The following OTUD7A variants were observed in gnomAD, a reference collection of about 807,000 sequenced individuals.
The protein encoded by OTUD7A is OTU deubiquitinase 7A.
OTUD7A carries 12 observed loss-of-function variants against 65.7 expected under a neutral mutation model. The observed-to-expected ratio is 0.18, with a 90% CI of 0.12 to 0.30. OTUD7A has a LOEUF of 0.30. Ranked by LOEUF, OTUD7A falls within the 10% of genes least tolerant of loss-of-function variation. OTUD7A has a pLI of 1.00. For missense variants in OTUD7A, 1,148 were observed against 1,304.8 expected, an observed-to-expected ratio of 0.88 and a Z score of 1.85; for synonymous variants, 641 against 586.3, an observed-to-expected ratio of 1.09 and a Z score of -1.35.
At chr15:31,669,002 C>A (rs1892406543) in intron 1 of OTUD7A, among the ~76,000 whole-genome samples, 1 of 152,206 alleles carries the variant, frequency 6.6e-6, no homozygotes, top group South Asian at 2.1e-4. Flanking sequence ...GTGATGTAAA[C>A]CATCTATGGG....
intron 1 of OTUD7A, among the ~76,000 whole-genome samples, chr15:31,828,764 C>G (rs1226037522): frequency 6.6e-6 from 1 of 152,194 alleles, no homozygotes; most frequent in Non-Finnish European, 1.5e-5. Flanking sequence ...AAGGGTAGCA[C>G]TGGCTAATAC....
chr15:31,859,916 T>C (rs1160837507), intron 1 of OTUD7A, among the ~76,000 whole-genome samples: 1 of 152,192 alleles, frequency 6.6e-6, no homozygotes, highest in Non-Finnish European at 1.5e-5. Flanking sequence ...GTATCTTCCT[T>C]TCTGGGGAGA....
At chr15:31,524,691 T>C (rs897223552) in intron 8 of OTUD7A, among the ~76,000 whole-genome samples, 1 of 152,168 alleles carries the variant, frequency 6.6e-6, no homozygotes, top group Non-Finnish European at 1.5e-5. Flanking sequence ...CTTCCTTCTC[T>C]TTTGTGATGT....
rs571541072 is a variant in OTUD7A, at chr15:31,539,515, T to C, written c.551-8707A>G. Among the ~76,000 whole-genome samples, 6 of 152,214 alleles carry C rather than the reference T, an allele frequency of 3.9e-5. No homozygotes were observed. The South Asian group carries it at 1.2e-3, about 32-fold the overall frequency. On this transcript the variant is annotated intron_variant, in intron 5 of 12. Coordinates refer to ENST00000307050, the MANE Select transcript of OTUD7A (RefSeq NM_001382637.1). ...ATGAAAAACAAAAGAAGAGAGAATGTTTTTCAAAAAGTGCATAAAGAGCCA... is the reference window on the plus strand; with the variant it reads ...ATGAAAAACAAAAGAAGAGAGAATGCTTTTCAAAAAGTGCATAAAGAGCCA...
Position 31,558,956 on chromosome 15 carries a change from A to C in OTUD7A, c.550+13T>G. ...GCCTAAAGAGGGTGGGCCTGCTGGC[A>C]GGGGCAACTCACCTGCCTGCTCCAA... is the stretch of plus-strand genomic sequence containing the variant. On this transcript the variant is annotated intron_variant, in intron 5 of 12. Coordinates refer to ENST00000307050, the MANE Select transcript of OTUD7A (RefSeq NM_001382637.1). The C allele has an allele frequency of 6.2e-7, 1 of 1,613,882 alleles. No homozygotes were observed. Among genetic ancestry groups the C allele is most frequent in the South Asian group, 1.1e-5 (1 of 91,026 alleles).
chr15:31,632,768 C>A (rs571396185), intron 3 of OTUD7A, among the ~76,000 whole-genome samples: 4 of 148,262 alleles, frequency 2.7e-5, no homozygotes, highest in African/African-American at 7.7e-5. Flanking sequence ...GTGGTGGGCT[C>A]CACCCAGTTC....
At chr15:31,825,551 C>T (rs2140977226) in intron 1 of OTUD7A, among the ~76,000 whole-genome samples, 1 of 152,276 alleles carries the variant, frequency 6.6e-6, no homozygotes, top group East Asian at 1.9e-4. Flanking sequence ...TGGGTGGGGA[C>T]ACAGAGCCAA....
intron 3 of OTUD7A, among the ~76,000 whole-genome samples, chr15:31,612,177 C>A (rs969658833): frequency 2.0e-5 from 3 of 152,106 alleles, no homozygotes; most frequent in Non-Finnish European, 4.4e-5. Context: ...TATGACAAAC[C>A]CACAGCCAAC....
chr15:31,627,188 C>G (rs2141244486), intron 3 of OTUD7A, among the ~76,000 whole-genome samples: 1 of 151,790 alleles, frequency 6.6e-6, no homozygotes, highest in East Asian at 1.9e-4. Flanking sequence ...GTGCTGCACC[C>G]ATTAACTCGT....
intron 1 of OTUD7A, among the ~76,000 whole-genome samples, chr15:31,694,795 A>G (rs1197831997): frequency 6.6e-6 from 1 of 151,232 alleles, no homozygotes; most frequent in Admixed American, 6.6e-5. Context: ...ACAGGATTTC[A>G]TTCTTTTTAT....
intron 1 of OTUD7A, among the ~76,000 whole-genome samples, chr15:31,776,482 G>A (rs894084546): frequency 3.9e-5 from 6 of 152,136 alleles, no homozygotes; most frequent in Admixed American, 1.3e-4. Context: ...GGCCCCTCCC[G>A]ACTCTCTCCT....
At chr15:31,593,090 T>G (rs1889798644) in intron 3 of OTUD7A, among the ~76,000 whole-genome samples, 1 of 151,674 alleles carries the variant, frequency 6.6e-6, no homozygotes, top group South Asian at 2.1e-4. Flanking sequence ...TTGTATGTGC[T>G]AGACTTTTAT....
intron 1 of OTUD7A, among the ~76,000 whole-genome samples, chr15:31,747,037 A>T (rs1412417565): frequency 2.6e-5 from 4 of 152,190 alleles, no homozygotes; most frequent in Non-Finnish European, 5.9e-5. Flanking sequence ...ACTACCACAC[A>T]AATGTTGAAC....
At chr15:31,635,462 C>A (rs1283400604) in intron 3 of OTUD7A, among the ~76,000 whole-genome samples, 1 of 152,212 alleles carries the variant, frequency 6.6e-6, no homozygotes, top group Non-Finnish European at 1.5e-5. Flanking sequence ...ATCCAAGCAT[C>A]CTTCCCAGCA....
At chr15:31,815,962 C>T (rs1896538436) in intron 1 of OTUD7A, among the ~76,000 whole-genome samples, 2 of 152,208 alleles carry the variant, frequency 1.3e-5, no homozygotes, top group African/African-American at 2.4e-5. Context: ...TTACACCATT[C>T]GCCATGCTCC....
chr15:31,563,995 G>A (rs1048582546), intron 4 of OTUD7A, among the ~76,000 whole-genome samples: 5 of 152,074 alleles, frequency 3.3e-5, no homozygotes, highest in Non-Finnish European at 7.4e-5. Flanking sequence ...ACAAAGTACT[G>A]GCCAGGAGGA....
chr15:31,639,225 C>T (rs1244601732), intron 3 of OTUD7A, among the ~76,000 whole-genome samples: 3 of 152,110 alleles, frequency 2.0e-5, no homozygotes, highest in Admixed American at 2.0e-4. Flanking sequence ...GATCACTATG[C>T]ATTTCCTAGA....
chr15:31,685,873 CTT>C (rs999771511), intron 1 of OTUD7A, among the ~76,000 whole-genome samples: 3 of 152,212 alleles, frequency 2.0e-5, no homozygotes, highest in African/African-American at 4.8e-5. Context: ...CTGGCCTTCT[CTT>C]GACTGGCTGA....
intron 8 of OTUD7A, 104 bp downstream of exon 8, chr15:31,526,245 C>T (rs2042010614): frequency 1.3e-5 from 15 of 1,171,994 alleles, no homozygotes; most frequent in Non-Finnish European, 1.8e-5. Context: ...TTCCACAGCA[C>T]AAGAGTCCCA....
Sources: gnomAD v4.1 joint callset for allele counts (sites outside exome capture counted in the v4.1 genomes callset) on GRCh38, gnomAD v4.1.1 for gene constraint, MANE v1.5 for transcripts, NCBI Gene and HGNC (gene_info 2026-07-23, HGNC 2026-07-21) for gene names.